TAFA4: variants seen among roughly 807,000 people sequenced by gnomAD.
The protein encoded by TAFA4 is TAFA chemokine like family member 4.
A neutral mutation model predicts 21.1 loss-of-function variants in TAFA4; 20 were observed. The ratio of observed to expected loss-of-function variants is 0.95; its 90% CI spans 0.67 to 1.38. The LOEUF (loss-of-function observed/expected upper bound fraction) is 1.38. Ranked by LOEUF, TAFA4 falls within the 40% of genes most tolerant of loss-of-function variation. The probability of loss-of-function intolerance (pLI) is 0.00; values close to 1 mark genes in which losing one functional copy is unlikely to be tolerated. For synonymous variants in TAFA4, 71 were observed against 67.4 expected (o/e 1.05, Z -0.26); for missense variants, 211 against 180.9 (o/e 1.17, Z -0.95).
At chr3:68,790,641 A>G (rs115270329) in intron 3 of TAFA4, among the ~76,000 whole-genome samples, 3,644 of 152,298 alleles carry the variant, frequency 0.024, 148 homozygotes, top group African/African-American at 0.084. Flanking sequence ...CCCCTAAATG[A>G]CTACTGCAAA....
intron 3 of TAFA4, among the ~76,000 whole-genome samples, chr3:68,864,325 G>A (rs1575647559): frequency 6.6e-6 from 1 of 152,100 alleles, no homozygotes. Flanking sequence ...AAGATAGACA[G>A]GTGACAAGCA....
chr3:68,891,151 G>A (rs1386390655), intron 1 of TAFA4, among the ~76,000 whole-genome samples: 1 of 152,140 alleles, frequency 6.6e-6, no homozygotes, highest in East Asian at 1.9e-4. Flanking sequence ...ACCAGAGCCA[G>A]AACATCATAC....
At chr3:68,795,665 A>C (rs2106819337) in intron 3 of TAFA4, among the ~76,000 whole-genome samples, 1 of 152,360 alleles carries the variant, frequency 6.6e-6, no homozygotes, top group South Asian at 2.1e-4. Context: ...TCCAGAGGAA[A>C]GTAGAGGCAA....
intron 3 of TAFA4, among the ~76,000 whole-genome samples, chr3:68,875,415 A>G (rs914234265): frequency 2.6e-5 from 4 of 152,160 alleles, no homozygotes; most frequent in Non-Finnish European, 4.4e-5. Flanking sequence ...GAATAAAGTA[A>G]CCACTATCTT....
chr3:68,878,091 T>A (rs1489414161), intron 3 of TAFA4, among the ~76,000 whole-genome samples: 1 of 152,198 alleles, frequency 6.6e-6, no homozygotes, highest in Non-Finnish European at 1.5e-5. Flanking sequence ...TCCTGCCTCA[T>A]TTCCAGGTGT....
intron 3 of TAFA4, among the ~76,000 whole-genome samples, chr3:68,822,147 T>A (rs527598440): frequency 1.9e-3 from 288 of 152,192 alleles, no homozygotes; most frequent in Non-Finnish European, 2.3e-3. Context: ...TTGACTTTTT[T>A]AAAAAAAATG....
chr3:68,803,377 G>C (rs1222404871), intron 3 of TAFA4, among the ~76,000 whole-genome samples: 2 of 152,200 alleles, frequency 1.3e-5, no homozygotes, highest in East Asian at 3.8e-4. Context: ...GAAATGACAA[G>C]AGTCCGACAT....
chr3:68,924,639 T>C (rs1405114871), intron 1 of TAFA4, among the ~76,000 whole-genome samples: 1 of 152,208 alleles, frequency 6.6e-6, no homozygotes, highest in Non-Finnish European at 1.5e-5. Flanking sequence ...TTTTATCTTT[T>C]TTACCCAAAC....
intron 3 of TAFA4, among the ~76,000 whole-genome samples, chr3:68,783,966 G>T (rs963523938): frequency 3.3e-5 from 5 of 152,030 alleles, no homozygotes; most frequent in Non-Finnish European, 7.4e-5. Flanking sequence ...AAACACAAAT[G>T]ACAAATTAGG....
At chr3:68,790,604 G>A (rs910202983) in intron 3 of TAFA4, among the ~76,000 whole-genome samples, 1 of 152,206 alleles carries the variant, frequency 6.6e-6, no homozygotes, top group African/African-American at 2.4e-5. Context: ...TAGAAGGTCA[G>A]CATCATATTC....
At chr3:68,905,062 T>G (rs563239949) in intron 1 of TAFA4, among the ~76,000 whole-genome samples, 1 of 151,230 alleles carries the variant, frequency 6.6e-6, no homozygotes, top group Non-Finnish European at 1.5e-5. Context: ...CCATCCACTC[T>G]CCAAACATTT....
intron 3 of TAFA4, among the ~76,000 whole-genome samples, chr3:68,854,725 A>G (rs931007001): frequency 6.6e-6 from 1 of 150,816 alleles, no homozygotes; most frequent in African/African-American, 2.4e-5. Context: ...TGTGTATTTT[A>G]TTAGTTTTTT....
At chr3:68,846,112 C>T (rs1434270223) in intron 3 of TAFA4, among the ~76,000 whole-genome samples, 1 of 152,046 alleles carries the variant, frequency 6.6e-6, no homozygotes, top group Non-Finnish European at 1.5e-5. Flanking sequence ...AGAGTGTTTT[C>T]CAGCTTGGTT....
At chr3:68,815,277 C>G (rs1703945751) in intron 3 of TAFA4, among the ~76,000 whole-genome samples, 1 of 152,122 alleles carries the variant, frequency 6.6e-6, no homozygotes, top group Non-Finnish European at 1.5e-5. Context: ...GTCTAAAACA[C>G]CAAAGCAATG....
chr3:68,782,789 T>C (rs1236334224), intron 3 of TAFA4, among the ~76,000 whole-genome samples: 7 of 152,126 alleles, frequency 4.6e-5, no homozygotes, highest in Admixed American at 1.3e-4. Context: ...AGATTTCCCT[T>C]TGGGGTCATG....
At chr3:68,800,366 C>T (rs897108097) in intron 3 of TAFA4, among the ~76,000 whole-genome samples, 2 of 152,196 alleles carry the variant, frequency 1.3e-5, no homozygotes, top group African/African-American at 4.8e-5. Flanking sequence ...TTGTGATCAT[C>T]TGTTACAACA....
chr3:68,926,684 G>A (rs188224224), intron 1 of TAFA4, among the ~76,000 whole-genome samples: 6 of 152,176 alleles, frequency 3.9e-5, no homozygotes, highest in South Asian at 2.1e-4. Flanking sequence ...AGGCTGAAGC[G>A]GGCAGATCAC....
At chr3:68,796,887 A>G (rs984833730) in intron 3 of TAFA4, among the ~76,000 whole-genome samples, 4 of 152,216 alleles carry the variant, frequency 2.6e-5, no homozygotes, top group African/African-American at 9.6e-5. Context: ...AAAGATGCTC[A>G]ACATCACTAA....
chr3:68,752,812 T>G, intron 4 of TAFA4, 51 bp downstream of exon 4: 1 of 1,611,464 alleles, frequency 6.2e-7, no homozygotes, highest in Non-Finnish European at 8.5e-7. Context: ...AAATTCCTGG[T>G]GGGTTTTGGC....
Sources: gnomAD v4.1 joint callset for allele counts (sites outside exome capture counted in the v4.1 genomes callset) on GRCh38, gnomAD v4.1.1 for gene constraint, MANE v1.5 for transcripts, NCBI Gene and HGNC (gene_info 2026-07-23, HGNC 2026-07-21) for gene names.